Variants in AUTS2 observed in about 807,000 individuals in gnomAD.
AUTS2 encodes activator of transcription and developmental regulator AUTS2.
AUTS2 carries 17 observed loss-of-function variants against 112.4 expected under a neutral mutation model. The ratio of observed to expected loss-of-function variants is 0.15; its 90% confidence interval spans 0.10 to 0.23. AUTS2 has a LOEUF of 0.23. Ranked by LOEUF, AUTS2 falls within the 10% of genes least tolerant of loss-of-function variation. The pLI is 1.00. For synonymous variants in AUTS2, 751 were observed against 702.7 expected, an observed-to-expected ratio of 1.07 and a Z score of -1.09; for missense variants, 1,510 against 1,701.6, an observed-to-expected ratio of 0.89 and a Z score of 1.98.
At chr7:69,696,109 T>C (rs17140817) in intron 1 of AUTS2, among the ~76,000 whole-genome samples, 11,593 of 152,296 alleles carry the variant, frequency 0.076, 597 homozygotes, top group African/African-American at 0.14. Context: ...TTCACTTTTC[T>C]TTTTGCGATT....
At chr7:69,773,351 C>G (rs1788748544) in intron 1 of AUTS2, among the ~76,000 whole-genome samples, 1 of 150,194 alleles carries the variant, frequency 6.7e-6, no homozygotes, top group Non-Finnish European at 1.5e-5. Context: ...AAACACAATA[C>G]ATGTATCTGC....
chr7:70,581,846 C>T (rs931200045), intron 5 of AUTS2, among the ~76,000 whole-genome samples: 1 of 152,144 alleles, frequency 6.6e-6, no homozygotes, highest in South Asian at 2.1e-4. Context: ...AATTCCTTTA[C>T]ATTTTGTATT....
intron 5 of AUTS2, among the ~76,000 whole-genome samples, chr7:70,569,313 A>G (rs1801842986): frequency 6.6e-6 from 1 of 152,226 alleles, no homozygotes; most frequent in African/African-American, 2.4e-5. Context: ...AGTTGGTTCA[A>G]ACCAATTATT....
intron 4 of AUTS2, among the ~76,000 whole-genome samples, chr7:70,380,980 G>T (rs1435234448): frequency 1.3e-5 from 2 of 152,182 alleles, no homozygotes; most frequent in African/African-American, 4.8e-5. Context: ...TAACATAGAA[G>T]AGTATAGGAT....
chr7:70,425,403 G>A (rs1054556685), intron 4 of AUTS2, among the ~76,000 whole-genome samples: 11 of 152,190 alleles, frequency 7.2e-5, no homozygotes, highest in African/African-American at 2.7e-4. Context: ...CCTGCTGGCT[G>A]TGCCTTTCCT....
intron 1 of AUTS2, among the ~76,000 whole-genome samples, chr7:69,763,213 A>C (rs1157865519): frequency 6.6e-6 from 1 of 152,192 alleles, no homozygotes; most frequent in Non-Finnish European, 1.5e-5. Flanking sequence ...TGAATAGTAC[A>C]TTAGGGTAAT....
chr7:69,927,349 G>A (rs952718139), intron 2 of AUTS2, among the ~76,000 whole-genome samples: 2 of 151,254 alleles, frequency 1.3e-5, no homozygotes, highest in Non-Finnish European at 2.9e-5. Flanking sequence ...GATGACATGA[G>A]TTTTACTTTT....
intron 1 of AUTS2, among the ~76,000 whole-genome samples, chr7:69,840,011 T>C (rs542632626): frequency 6.6e-6 from 1 of 152,222 alleles, no homozygotes; most frequent in South Asian, 2.1e-4. Flanking sequence ...AAAGGCAAAT[T>C]TGCTGGTTTC....
chr7:70,387,856 A>G (rs1318941977), intron 4 of AUTS2, among the ~76,000 whole-genome samples: 1 of 152,104 alleles, frequency 6.6e-6, no homozygotes, highest in Non-Finnish European at 1.5e-5. Flanking sequence ...TGCTCATTCC[A>G]TCTTCTACGT....
chr7:70,566,998 A>G (rs574419610), intron 5 of AUTS2, among the ~76,000 whole-genome samples: 5 of 152,196 alleles, frequency 3.3e-5, no homozygotes, highest in Admixed American at 6.5e-5. Flanking sequence ...GTAAATGTCA[A>G]TAGGTGGAAA....
At chr7:69,652,690 T>G (rs1243593465) in intron 1 of AUTS2, among the ~76,000 whole-genome samples, 1 of 152,052 alleles carries the variant, frequency 6.6e-6, no homozygotes, top group African/African-American at 2.4e-5. Context: ...AACACATGAA[T>G]TATGTCAAAT....
At chr7:70,394,787 GCTA>G (rs1794011730) in intron 4 of AUTS2, among the ~76,000 whole-genome samples, 1 of 151,804 alleles carries the variant, frequency 6.6e-6, no homozygotes, top group African/African-American at 2.4e-5. Flanking sequence ...AATCATAAAA[GCTA>G]CTATTAGCCA....
intron 1 of AUTS2, among the ~76,000 whole-genome samples, chr7:69,622,381 A>G (rs549878767): frequency 1.8e-4 from 28 of 152,302 alleles, no homozygotes; most frequent in African/African-American, 6.7e-4. Flanking sequence ...TGAAACAGGA[A>G]ATGTGGATTG....
At chr7:70,154,501 C>T (rs1438954872) in intron 4 of AUTS2, among the ~76,000 whole-genome samples, 1 of 152,124 alleles carries the variant, frequency 6.6e-6, no homozygotes, top group African/African-American at 2.4e-5. Flanking sequence ...CTGAAAGCTG[C>T]TCCCTTTAAG....
chr7:70,287,251 G>A (rs537867471), intron 4 of AUTS2, among the ~76,000 whole-genome samples: 2 of 152,082 alleles, frequency 1.3e-5, no homozygotes, highest in Non-Finnish European at 2.9e-5. Flanking sequence ...GTCCTATGAT[G>A]GGTCCTCCTC....
chr7:70,613,619 C>CAG (rs1372143405), intron 5 of AUTS2, among the ~76,000 whole-genome samples: 2 of 151,992 alleles, frequency 1.3e-5, no homozygotes, highest in Admixed American at 6.6e-5. Flanking sequence ...CAGGGATGGA[C>CAG]AGAAGAAGGA....
chr7:70,785,226 A>G (rs1021684403), intron 16 of AUTS2, among the ~76,000 whole-genome samples: 1 of 152,246 alleles, frequency 6.6e-6, no homozygotes, highest in Non-Finnish European at 1.5e-5. Context: ...TTCTTTCGGT[A>G]GTAGAGCTGT....
At chr7:70,257,177 A>G (rs542522602) in intron 4 of AUTS2, among the ~76,000 whole-genome samples, 8 of 152,000 alleles carry the variant, frequency 5.3e-5, no homozygotes, top group East Asian at 1.9e-4. Flanking sequence ...GTCTCACTCT[A>G]TTACCCAGGC....
chr7:70,360,605 A>G (rs997691615), intron 4 of AUTS2, among the ~76,000 whole-genome samples: 2 of 152,150 alleles, frequency 1.3e-5, no homozygotes, highest in African/African-American at 4.8e-5. Flanking sequence ...ACCTGACTCA[A>G]AGTTGGGCAG....
Sources: gnomAD v4.1 joint callset for allele counts (sites outside exome capture counted in the v4.1 genomes callset) on GRCh38, gnomAD v4.1.1 for gene constraint, MANE v1.5 for transcripts, NCBI Gene and HGNC (gene_info 2026-07-23, HGNC 2026-07-21) for gene names.